SLC25A21: variants seen among roughly 807,000 people sequenced by gnomAD.
SLC25A21 encodes solute carrier family 25 member 21.
SLC25A21 carries 47 observed loss-of-function variants against 43.8 expected under a neutral mutation model. The ratio of observed to expected loss-of-function variants is 1.07; its 90% CI spans 0.85 to 1.37. SLC25A21 has a LOEUF of 1.37. SLC25A21 is among the 40% of genes most tolerant of loss of function. SLC25A21 has a pLI of 0.00. For synonymous variants in SLC25A21, 131 were observed against 121.3 expected (o/e 1.08, Z -0.52); for missense variants, 352 against 350.2 (o/e 1.00, Z -0.04).
intron 1 of SLC25A21, among the ~76,000 whole-genome samples, chr14:37,137,532 T>C (rs1468553380): frequency 6.6e-6 from 1 of 152,224 alleles, no homozygotes; most frequent in African/African-American, 2.4e-5. Context: ...ATAAGATGTA[T>C]AAGATTGTAT....
At chr14:36,818,477 T>C (rs1455343833) in intron 2 of SLC25A21, among the ~76,000 whole-genome samples, 1 of 152,180 alleles carries the variant, frequency 6.6e-6, no homozygotes, top group Non-Finnish European at 1.5e-5. Context: ...TGGGCAGGCA[T>C]GGTAACTGCT....
chr14:36,821,866 T>A (rs1344045377), intron 2 of SLC25A21, among the ~76,000 whole-genome samples: 2 of 151,974 alleles, frequency 1.3e-5, no homozygotes, highest in East Asian at 3.9e-4. Context: ...AAAACAAAAA[T>A]AATAATAATA....
At chr14:36,778,332 C>T (rs543919247) in intron 3 of SLC25A21, among the ~76,000 whole-genome samples, 6 of 152,330 alleles carry the variant, frequency 3.9e-5, no homozygotes, top group African/African-American at 7.2e-5. Flanking sequence ...CAGCTTCCTC[C>T]TCTATGCTAT....
At chr14:36,842,892 A>T (rs1889430295) in intron 2 of SLC25A21, among the ~76,000 whole-genome samples, 1 of 152,106 alleles carries the variant, frequency 6.6e-6, no homozygotes, top group Non-Finnish European at 1.5e-5. Flanking sequence ...TTCGTGGAAG[A>T]CAATTTTTCA....
At chr14:37,124,900 CA>C in intron 1 of SLC25A21, among the ~76,000 whole-genome samples, 1 of 152,314 alleles carries the variant, frequency 6.6e-6, no homozygotes. Context: ...TGCCCTCTGC[CA>C]TGAGCCAAAG....
chr14:36,956,895 A>C (rs1005084879), intron 1 of SLC25A21, among the ~76,000 whole-genome samples: 7 of 152,220 alleles, frequency 4.6e-5, no homozygotes, highest in Non-Finnish European at 1.0e-4. Flanking sequence ...ATAAAGAAGT[A>C]TGTACAAATA....
chr14:36,922,661 T>C (rs1892014423), intron 1 of SLC25A21, among the ~76,000 whole-genome samples: 1 of 152,040 alleles, frequency 6.6e-6, no homozygotes, highest in Non-Finnish European at 1.5e-5. Context: ...TGCTGGGAGA[T>C]GTTCATGTGC....
At chr14:36,964,565 A>C (rs1025272966) in intron 1 of SLC25A21, among the ~76,000 whole-genome samples, 1 of 152,244 alleles carries the variant, frequency 6.6e-6, no homozygotes, top group Non-Finnish European at 1.5e-5. Flanking sequence ...TAATCCTGGG[A>C]ATAACACACT....
At chr14:36,956,777 T>A (rs1426472189) in intron 1 of SLC25A21, among the ~76,000 whole-genome samples, 5 of 152,190 alleles carry the variant, frequency 3.3e-5, no homozygotes, top group African/African-American at 1.2e-4. Context: ...GAAATTTGAT[T>A]TTATGAAATG....
chr14:36,990,659 T>C (rs8018476), intron 1 of SLC25A21, among the ~76,000 whole-genome samples: 20,424 of 152,098 alleles, frequency 0.13, 2,152 homozygotes, highest in African/African-American at 0.29. Context: ...GGAGAATAGC[T>C]TGAGTCCAGG....
At chr14:36,716,646 C>T (rs1186442086) in intron 6 of SLC25A21, among the ~76,000 whole-genome samples, 1 of 152,130 alleles carries the variant, frequency 6.6e-6, no homozygotes, top group Non-Finnish European at 1.5e-5. Context: ...TCTGAGAGCC[C>T]AGTACTACCA....
chr14:37,088,934 T>C lies in SLC25A21; in HGVS notation c.70+83347A>G, dbSNP rs74243658. ...AACCACACAGAATTTTGTTTGGGGT[T>C]ATACAAATTCCTTCACAATTTGTAT... On this transcript the variant is annotated intron_variant, in intron 1 of 9. Coordinates refer to ENST00000331299, the MANE Select transcript of SLC25A21 (RefSeq NM_030631.4). Among the ~76,000 whole-genome samples the C allele has an allele frequency of 7.0e-3, 1,067 of 152,344 alleles. 34 individuals carry two copies. The East Asian group carries it at 0.1, about 15-fold the overall frequency.
At chr14:37,002,540 A>C (rs1489636316) in intron 1 of SLC25A21, among the ~76,000 whole-genome samples, 3 of 152,138 alleles carry the variant, frequency 2.0e-5, no homozygotes, top group African/African-American at 7.2e-5. Context: ...TACGTATACA[A>C]CTTTGAGCAA....
At chr14:37,043,871 A>G (rs553472768) in intron 1 of SLC25A21, among the ~76,000 whole-genome samples, 1 of 151,604 alleles carries the variant, frequency 6.6e-6, no homozygotes, top group Non-Finnish European at 1.5e-5. Context: ...AGTAGCTGGA[A>G]CTACAGGTGT....
intron 1 of SLC25A21, among the ~76,000 whole-genome samples, chr14:36,877,886 G>C (rs1320280226): frequency 6.6e-6 from 1 of 152,112 alleles, no homozygotes; most frequent in Non-Finnish European, 1.5e-5. Context: ...GCCACGAGGA[G>C]CCAGTGAAGG....
At chr14:36,733,564 T>G (rs1594534432) in intron 4 of SLC25A21, among the ~76,000 whole-genome samples, 1 of 152,216 alleles carries the variant, frequency 6.6e-6, no homozygotes, top group East Asian at 1.9e-4. Context: ...TAATTTTTAA[T>G]CCAGTCACCC....
At chr14:37,056,362 C>A (rs551159278) in intron 1 of SLC25A21, among the ~76,000 whole-genome samples, 1 of 151,682 alleles carries the variant, frequency 6.6e-6, no homozygotes. Context: ...AGGTGGCGGG[C>A]GCCTGTAGTC....
At chr14:37,010,810 T>C (rs966358453) in intron 1 of SLC25A21, among the ~76,000 whole-genome samples, 1 of 152,184 alleles carries the variant, frequency 6.6e-6, no homozygotes, top group African/African-American at 2.4e-5. Context: ...AGTGGTGTAA[T>C]GAGAGATCAG....
intron 1 of SLC25A21, among the ~76,000 whole-genome samples, chr14:36,967,231 G>A (rs1959637811): frequency 6.6e-6 from 1 of 152,148 alleles, no homozygotes; most frequent in African/African-American, 2.4e-5. Context: ...GGGAGAAACA[G>A]ACCTTCCTCG....
Sources: allele counts gnomAD v4.1 joint callset (sites outside exome capture counted in the v4.1 genomes callset), GRCh38; gene constraint gnomAD v4.1.1; transcripts MANE v1.5; gene names NCBI Gene and HGNC (gene_info 2026-07-23, HGNC 2026-07-21).